The following WDR25 variants were observed in gnomAD, a reference collection of about 807,000 sequenced individuals.
The protein encoded by WDR25 is WD repeat-containing protein 25.
In WDR25, 35 loss-of-function variants were observed where a neutral mutation model predicts 47.7. The observed-to-expected ratio is 0.73, with a 90% CI of 0.56 to 0.97. The LOEUF is 0.97. Among genes scored for constraint, WDR25 ranks in the 50% least tolerant of loss-of-function variants. The probability of loss-of-function intolerance (pLI) is 0.00; values close to 1 mark genes in which losing one functional copy is unlikely to be tolerated. For missense variants in WDR25, 634 were observed against 704.7 expected (o/e 0.90, Z 1.14); for synonymous variants, 248 against 278.9 (o/e 0.89, Z 1.10).
At chr14:100,381,827 A>G in intron 2 of WDR25, 81 bp downstream of exon 2, 1 of 1,198,060 alleles carries the variant, frequency 8.3e-7, no homozygotes, top group Non-Finnish European at 1.2e-6. Context: ...GAGGGAGGTT[A>G]CAGGCTGAAC....
chr14:100,481,346 C>G (rs1200412423), intron 3 of WDR25: 4 of 940,558 alleles, frequency 4.3e-6, no homozygotes, highest in African/African-American at 3.5e-5. Flanking sequence ...ATATTTTTAT[C>G]AACTATTTTG....
chr14:100,453,183 T>A (rs1010386255), intron 2 of WDR25, among the ~76,000 whole-genome samples: 3 of 152,186 alleles, frequency 2.0e-5, no homozygotes, highest in East Asian at 1.9e-4. Context: ...GGGGTTAGTC[T>A]GGCTTTGCAT....
At chr14:100,382,243 GC>G (rs1205431812) in intron 2 of WDR25, 4 of 698,156 alleles carry the variant, frequency 5.7e-6, no homozygotes, top group South Asian at 1.5e-5. Context: ...TGTGAGGACG[GC>G]CCCCAGTAGG....
intron 4 of WDR25, among the ~76,000 whole-genome samples, chr14:100,490,507 G>A (rs1463044550): frequency 6.6e-6 from 1 of 152,250 alleles, no homozygotes; most frequent in African/African-American, 2.4e-5. Context: ...GCAGCAGGTG[G>A]TGGCTGGGCT....
In WDR25 at chr14:100,440,058, G is replaced by A. The variant is rs536813591; in HGVS notation, c.823-27963G>A. ...AAACATGGGAAACTGTCATGTGAGC[G>A]TCCCTAAAAGCAGCATAGTCATTTT... On this transcript the variant is annotated intron_variant, in intron 2 of 6. Transcript: ENST00000402312. The surrounding 1 kb of genome is among the most constrained non-coding windows in gnomAD (Gnocchi z 4.4). Among the ~76,000 whole-genome samples the A allele has an allele frequency of 3.9e-5, 6 of 152,284 alleles. No homozygotes were observed. The highest frequency in any genetic ancestry group is 1.4e-4 in the African/African-American group (6 of 41,552).
chr14:100,459,900 A>G (rs1357129213), intron 2 of WDR25, among the ~76,000 whole-genome samples: 5,326 of 35,760 alleles, frequency 0.15, 411 homozygotes, highest in African/African-American at 0.4. Context: ...GTGTGTATAT[A>G]TATATATATA....
chr14:100,434,424 T>A (rs967575560), intron 2 of WDR25, among the ~76,000 whole-genome samples: 13 of 152,342 alleles, frequency 8.5e-5, no homozygotes, highest in Non-Finnish European at 1.9e-4. Flanking sequence ...AATTGCTAAC[T>A]TCTGCAAAAA....
chr14:100,399,670 G>A (rs942706551), intron 2 of WDR25, among the ~76,000 whole-genome samples: 1 of 152,172 alleles, frequency 6.6e-6, no homozygotes, highest in Non-Finnish European at 1.5e-5. Context: ...CGATGATGAC[G>A]CAGATAATAT....
At chr14:100,508,542 A>G (rs116025464) in intron 4 of WDR25, among the ~76,000 whole-genome samples, 1,746 of 152,346 alleles carry the variant, frequency 0.011, 30 homozygotes, top group African/African-American at 0.04. Context: ...TTTAATTTAC[A>G]TGATCATGTA....
At chr14:100,507,387 C>G (rs1295324210) in intron 4 of WDR25, among the ~76,000 whole-genome samples, 2 of 152,010 alleles carry the variant, frequency 1.3e-5, no homozygotes, top group African/African-American at 4.8e-5. Flanking sequence ...GCTATTTGGG[C>G]TCTTTTTGGG....
Position 100,530,044 on chromosome 14 carries a change from T to A in WDR25, c.*3T>A. On this transcript the variant is annotated 3_prime_UTR_variant, in exon 7 of 7. Transcript: ENST00000402312. Reference sequence around the variant, plus strand: ...GGGACATGAAGATCTGGCACTGAGCTTTTTGTCACTGAACCTTCCCGATGC... The same window carrying A: ...GGGACATGAAGATCTGGCACTGAGCATTTTGTCACTGAACCTTCCCGATGC... The A allele has an allele frequency of 6.2e-7, 1 of 1,607,156 alleles. No homozygotes were observed. Among genetic ancestry groups the A allele is most frequent in the Non-Finnish European group, 8.5e-7 (1 of 1,175,746 alleles).
intron 2 of WDR25, among the ~76,000 whole-genome samples, chr14:100,416,080 C>A (rs925382632): frequency 6.6e-6 from 1 of 152,210 alleles, no homozygotes; most frequent in Non-Finnish European, 1.5e-5. Context: ...ATGGTTCTAG[C>A]CCTCACAGAG....
Position 100,395,014 on chromosome 14 carries a change from G to T in WDR25, c.822+13268G>T, listed in dbSNP as rs374546620. 1.1e-3 allele frequency among the ~76,000 whole-genome samples: 173 copies of T among 152,254 alleles called. 1 individual carries two copies. Among genetic ancestry groups the T allele is most frequent in the African/African-American group, 4.0e-3 (165 of 41,548 alleles). The stretch of plus-strand genomic sequence containing the variant: ...ATCGATGAGGGGCAGCCAGGTGGGT[G>T]GGGAGGACAGCCCTGTACTGTGCAT... On this transcript the variant is annotated intron_variant, in intron 2 of 6. Transcript: ENST00000402312.
chr14:100,474,844 A>G (rs1899964281), intron 3 of WDR25, among the ~76,000 whole-genome samples: 1 of 152,226 alleles, frequency 6.6e-6, no homozygotes, highest in African/African-American at 2.4e-5. Context: ...CAGTTAACAG[A>G]GTGAAGAGAC....
Position 100,488,725 on chromosome 14 carries a change from G to C in WDR25, c.1101+4601G>C, listed in dbSNP as rs1055247784. 2.6e-5 allele frequency among the ~76,000 whole-genome samples: 4 copies of C among 152,166 alleles called. No individual in the cohort carries two copies. Among genetic ancestry groups the C allele is most frequent in the African/African-American group, 9.7e-5 (4 of 41,450 alleles). ...ATATGGACCACATTTTGAGAAGCTA[G>C]GGACCAAAGGGCCTCTGAAGTTAAA... On this transcript the variant is annotated intron_variant, in intron 4 of 6. Transcript: ENST00000402312. The surrounding 1 kb of genome is among the most constrained non-coding windows in gnomAD (Gnocchi z 4.2).
chr14:100,429,909 T>C (rs1003244048), intron 2 of WDR25, among the ~76,000 whole-genome samples: 1 of 152,126 alleles, frequency 6.6e-6, no homozygotes, highest in South Asian at 2.1e-4. Context: ...CTAACTTATA[T>C]GACCTCATTT....
chr14:100,418,184 C>T (rs1897922399), intron 2 of WDR25, among the ~76,000 whole-genome samples: 1 of 151,342 alleles, frequency 6.6e-6, no homozygotes. Flanking sequence ...TCGTGATCCA[C>T]ACCCCCCACT....
intron 2 of WDR25, among the ~76,000 whole-genome samples, chr14:100,451,128 C>T (rs773197494): frequency 7.2e-5 from 11 of 152,068 alleles, no homozygotes; most frequent in Non-Finnish European, 1.3e-4. Context: ...CGGGGAGGGA[C>T]GCTTATACTA....
intron 4 of WDR25, among the ~76,000 whole-genome samples, chr14:100,517,727 C>G (rs1292085611): frequency 6.6e-6 from 1 of 152,106 alleles, no homozygotes; most frequent in Non-Finnish European, 1.5e-5. Flanking sequence ...GCCTGTAGTC[C>G]CAGCTGCTCC....
Sources: allele counts gnomAD v4.1 joint callset (sites outside exome capture counted in the v4.1 genomes callset), GRCh38; gene constraint gnomAD v4.1.1; non-coding constraint Gnocchi (gnomAD v3.1); transcripts MANE v1.5; gene names NCBI Gene and HGNC (gene_info 2026-07-23, HGNC 2026-07-21).